CCSER2: variants seen among roughly 807,000 people sequenced by gnomAD.
CCSER2 encodes coiled-coil serine rich protein 2.
A neutral mutation model predicts 92.3 loss-of-function variants in CCSER2; 46 were observed. The observed-to-expected ratio is 0.50, with a 90% CI of 0.39 to 0.64. The LOEUF (loss-of-function observed/expected upper bound fraction) is 0.64. Ranked by LOEUF, CCSER2 falls within the 30% of genes least tolerant of loss-of-function variation. The pLI is 0.00. For missense variants in CCSER2, 1,244 were observed against 1,238.9 expected, an observed-to-expected ratio of 1.00 and a Z score of -0.06; for synonymous variants, 433 against 431.4, an observed-to-expected ratio of 1.00 and a Z score of -0.04.
intron 9 of CCSER2, among the ~76,000 whole-genome samples, chr10:84,490,130 C>T (rs1226547664): frequency 3.9e-5 from 6 of 152,126 alleles, no homozygotes; most frequent in Non-Finnish European, 7.3e-5. Flanking sequence ...GACGGGTTTC[C>T]CTTTGTGGGT....
At chr10:84,488,953 G>A (rs1021866458) in intron 9 of CCSER2, among the ~76,000 whole-genome samples, 1 of 152,076 alleles carries the variant, frequency 6.6e-6, no homozygotes. Flanking sequence ...TGTTCTCATT[G>A]GTTTCAAAGA....
chr10:84,512,452 A>G (rs539360565), intron 9 of CCSER2, among the ~76,000 whole-genome samples: 2 of 149,322 alleles, frequency 1.3e-5, no homozygotes, highest in East Asian at 2.0e-4. Context: ...ATACCCCTGT[A>G]TCAGGACAGG....
chr10:84,508,664 G>A (rs1391278888), intron 9 of CCSER2, among the ~76,000 whole-genome samples: 2 of 152,150 alleles, frequency 1.3e-5, no homozygotes, highest in African/African-American at 4.8e-5. Flanking sequence ...CTTGACTTCT[G>A]TGTCATATTA....
At chr10:84,460,323 C>CAAACTCCTGACCTCG (rs904150255) in intron 6 of CCSER2, among the ~76,000 whole-genome samples, 2 of 148,294 alleles carry the variant, frequency 1.3e-5, no homozygotes, top group African/African-American at 5.0e-5. Context: ...AGGCTCATCT[C>CAAACTCCTGACCTCG]AAACTCCTGA....
chr10:84,441,698 G>T (rs1844545333), intron 6 of CCSER2, among the ~76,000 whole-genome samples: 1 of 119,894 alleles, frequency 8.3e-6, no homozygotes, highest in Non-Finnish European at 1.7e-5. Flanking sequence ...GAAGAAACCT[G>T]ATTTTATGCT....
At chr10:84,385,004 A>AACACAC (rs56977232) in intron 3 of CCSER2, among the ~76,000 whole-genome samples, 14,754 of 145,770 alleles carry the variant, frequency 0.1, 849 homozygotes, top group Admixed American at 0.15. Context: ...ATTTACAATA[A>AACACAC]ACACACACAC....
At chr10:84,471,841 T>A (rs1156638444) in intron 8 of CCSER2, among the ~76,000 whole-genome samples, 3 of 152,076 alleles carry the variant, frequency 2.0e-5, no homozygotes, top group South Asian at 2.1e-4. Context: ...AAATTTTAAG[T>A]TGCTATTAAT....
At chr10:84,384,524 A>G (rs767847856) in intron 3 of CCSER2, among the ~76,000 whole-genome samples, 4 of 152,264 alleles carry the variant, frequency 2.6e-5, no homozygotes, top group Non-Finnish European at 1.5e-5. Context: ...CAAAATCCAT[A>G]TGATCATCTC....
chr10:84,451,431 C>T (rs1214727535), intron 6 of CCSER2, among the ~76,000 whole-genome samples: 1 of 151,830 alleles, frequency 6.6e-6, no homozygotes, highest in East Asian at 1.9e-4. Context: ...CAGGCACGTG[C>T]CGTTGCGTCC....
chr10:84,339,730 C>T (rs572990433), intron 1 of CCSER2, among the ~76,000 whole-genome samples: 24 of 152,294 alleles, frequency 1.6e-4, no homozygotes, highest in Middle Eastern at 3.4e-3. Context: ...CCGCCTTGGC[C>T]TCCCAAAGTG....
intron 3 of CCSER2, among the ~76,000 whole-genome samples, chr10:84,388,501 C>T (rs1841348076): frequency 6.6e-6 from 1 of 152,104 alleles, no homozygotes. Context: ...ATGCAGAAAC[C>T]AGTGTACTTG....
At chr10:84,354,661 A>G (rs1845060934) in intron 1 of CCSER2, among the ~76,000 whole-genome samples, 1 of 149,234 alleles carries the variant, frequency 6.7e-6, no homozygotes, top group African/African-American at 2.5e-5. Flanking sequence ...TTTGGTGGGA[A>G]ATTTGACCAT....
chr10:84,330,679 A>AT (rs1291697237), intron 1 of CCSER2, among the ~76,000 whole-genome samples: 16 of 151,258 alleles, frequency 1.1e-4, no homozygotes, highest in East Asian at 1.9e-4. Context: ...CACCTGGCTA[A>AT]TTTTTTTTTA....
intron 9 of CCSER2, among the ~76,000 whole-genome samples, chr10:84,495,982 TTTCTG>T (rs1373001205): frequency 3.0e-5 from 2 of 67,494 alleles, no homozygotes; most frequent in Admixed American, 1.3e-4. Flanking sequence ...TTTTTCTTTA[TTTCTG>T]TTTTTTCTTT....
At chr10:84,495,352 T>C (rs1848392584) in intron 9 of CCSER2, among the ~76,000 whole-genome samples, 2 of 152,190 alleles carry the variant, frequency 1.3e-5, no homozygotes, top group South Asian at 2.1e-4. Flanking sequence ...ATTTTAACTT[T>C]GTTGTGGTTT....
chr10:84,465,578 G>A (rs944893796), intron 7 of CCSER2, among the ~76,000 whole-genome samples: 5 of 151,446 alleles, frequency 3.3e-5, no homozygotes, highest in Non-Finnish European at 7.4e-5. Flanking sequence ...CACCCACCTC[G>A]GCCTCCCAAA....
chr10:84,483,425 G>A (rs1478006738), intron 9 of CCSER2, among the ~76,000 whole-genome samples: 1 of 151,438 alleles, frequency 6.6e-6, no homozygotes, highest in East Asian at 1.9e-4. Context: ...AGGTTTTTGG[G>A]CCTCAGATAT....
At chr10:84,420,955 A>G (rs983441534) in intron 4 of CCSER2, among the ~76,000 whole-genome samples, 2 of 151,058 alleles carry the variant, frequency 1.3e-5, no homozygotes, top group Non-Finnish European at 3.0e-5. Context: ...AAAAAGGTTT[A>G]GATTGGTCAC....
intron 7 of CCSER2, 37 bp downstream of exon 7, chr10:84,464,053 C>A (rs572533335): frequency 6.9e-6 from 7 of 1,020,854 alleles, no homozygotes; most frequent in Middle Eastern, 2.2e-4. Flanking sequence ...TTTCAAAATT[C>A]TTTTTAAATA....
Sources: gnomAD v4.1 joint callset for allele counts (sites outside exome capture counted in the v4.1 genomes callset) on GRCh38, gnomAD v4.1.1 for gene constraint, MANE v1.5 for transcripts, NCBI Gene and HGNC (gene_info 2026-07-23, HGNC 2026-07-21) for gene names.